ADCY1: variants seen among roughly 807,000 people sequenced by gnomAD.
The protein encoded by ADCY1 is adenylate cyclase 1.
A neutral mutation model predicts 105.4 loss-of-function variants in ADCY1; 28 were observed. The observed-to-expected ratio is 0.27, with a 90% CI of 0.20 to 0.36. ADCY1 has a LOEUF of 0.36. Among genes scored for constraint, ADCY1 ranks in the 10% least tolerant of loss-of-function variants. The probability of loss-of-function intolerance (pLI) is 1.00; values close to 1 mark genes in which losing one functional copy is unlikely to be tolerated. For synonymous variants in ADCY1, 655 were observed against 623.8 expected (o/e 1.05, Z -0.75); for missense variants, 977 against 1,434.2 (o/e 0.68, Z 5.15).
Position 45,592,799 on chromosome 7 carries a change from A to G in ADCY1, c.680A>G (p.Tyr227Cys), listed in dbSNP as rs762387143. ...TTGCTCTTCGTCGGTGTGAACATGT[A>G]TGGGGTCTTTGTGCGGATTCTGACT... The part of the protein sequence containing the change: ...NALLFVGVNM[Y>C]GVFVRILTER... Residue 227 changes from tyrosine (Y) to cysteine (C), a missense_variant, in exon 2 of 20, where the codon TAT becomes TGT. Transcript: ENST00000297323. The G allele has an allele frequency of 5.0e-6, 8 of 1,614,148 alleles. No homozygotes were observed. In the Admixed American group the frequency reaches 5.0e-5, roughly 10 times the overall value.
intron 7 of ADCY1, among the ~76,000 whole-genome samples, chr7:45,661,045 G>C (rs558184479): frequency 2.0e-5 from 3 of 150,306 alleles, no homozygotes; most frequent in Non-Finnish European, 3.0e-5. Flanking sequence ...GGGGAGGGTC[G>C]ATGCCTCAGG....
chr7:45,658,008 G>C, intron 6 of ADCY1, 123 bp downstream of exon 6: 1 of 1,153,464 alleles, frequency 8.7e-7, no homozygotes, highest in South Asian at 1.5e-5. Flanking sequence ...GCTCCTGGAG[G>C]AGCCTGCCTG....
At chr7:45,673,974 T>C (rs1317594922) in intron 8 of ADCY1, among the ~76,000 whole-genome samples, 1 of 11,754 alleles carries the variant, frequency 8.5e-5, no homozygotes, top group African/African-American at 1.2e-4. Context: ...CATATATATA[T>C]ATATATATAT....
chr7:45,641,726 A>G (rs1057135217), intron 4 of ADCY1, among the ~76,000 whole-genome samples: 1 of 149,782 alleles, frequency 6.7e-6, no homozygotes, highest in African/African-American at 2.5e-5. Context: ...GGAGATCGAG[A>G]CCATCCTGGC....
At chr7:45,584,740 A>G (rs1245810504) in intron 1 of ADCY1, among the ~76,000 whole-genome samples, 1 of 152,116 alleles carries the variant, frequency 6.6e-6, no homozygotes, top group Non-Finnish European at 1.5e-5. Flanking sequence ...TAGGCTTTCC[A>G]TGTGAAGCAT....
chr7:45,658,642 C>T (rs932849446), intron 6 of ADCY1, among the ~76,000 whole-genome samples: 3 of 152,212 alleles, frequency 2.0e-5, no homozygotes, highest in South Asian at 4.1e-4. Context: ...CCGTTGGCTC[C>T]CAAGGCCGGG....
At chr7:45,637,716 C>T (rs1217608984) in intron 4 of ADCY1, among the ~76,000 whole-genome samples, 2 of 152,166 alleles carry the variant, frequency 1.3e-5, no homozygotes, top group Non-Finnish European at 2.9e-5. Context: ...TAGATTGAGA[C>T]CCTATGTGTG....
chr7:45,718,654 T>A lies in ADCY1; in HGVS notation c.*4659T>A, dbSNP rs1292991440. On this transcript the variant is annotated 3_prime_UTR_variant, in exon 20 of 20. Coordinates refer to ENST00000297323, the MANE Select transcript of ADCY1 (RefSeq NM_021116.4). ...AAAATGGGCAGTAGGGGAAATGGAGTTGCTTCAACCTTTCTCAGTCCCGGC... is the reference window on the plus strand; with the variant it reads ...AAAATGGGCAGTAGGGGAAATGGAGATGCTTCAACCTTTCTCAGTCCCGGC... The A allele has an allele frequency of 6.6e-6, 1 of 151,694 alleles. No homozygotes were observed. Among genetic ancestry groups the A allele is most frequent in the African/African-American group, 2.4e-5 (1 of 41,192 alleles). 9.4% of individuals were successfully genotyped at this position (151,694 alleles called of 1,614,324 possible). A position where few individuals can be genotyped will look rare whatever the true frequency, so the allele number is the denominator to read the frequency against.
At chr7:45,625,394 C>T (rs1198678765) in intron 4 of ADCY1, among the ~76,000 whole-genome samples, 1 of 152,260 alleles carries the variant, frequency 6.6e-6, no homozygotes, top group East Asian at 1.9e-4. Context: ...GGTGGAGATG[C>T]CTGATGGGTC....
At chr7:45,657,943 G>A (rs1241816205) in intron 6 of ADCY1, 58 bp downstream of exon 6, 1 of 1,533,202 alleles carries the variant, frequency 6.5e-7, no homozygotes, top group Non-Finnish European at 8.8e-7. Flanking sequence ...TGCACCCCTG[G>A]GCTAAATCCT....
rs1181558302 is a variant in ADCY1, at chr7:45,717,846, C to T, written c.*3851C>T. The T allele has an allele frequency of 2.0e-5, 3 of 152,728 alleles. No individual in the cohort carries two copies. The highest frequency in any genetic ancestry group is 3.4e-3 in the Middle Eastern group (1 of 294). The allele number at this position is 152,728 out of a possible 1,614,324, so 9.5% of individuals were successfully genotyped here. A position where few individuals can be genotyped will look rare whatever the true frequency, so the allele number is the denominator to read the frequency against. ...CGTGTTTCTCAGACTTTAAAGCCAC[C>T]AGGGCTTCTGGAACACCTGTCATAG... On this transcript the variant is annotated 3_prime_UTR_variant, in exon 20 of 20. Coordinates refer to ENST00000297323, the MANE Select transcript of ADCY1 (RefSeq NM_021116.4).
rs548807776 is a variant in ADCY1 at position 45,708,818 on chromosome 7, G to C, written c.2932+354G>C. ...CTACATAGTTGAGGCCACATGGGCT[G>C]TCCAGAAGGAGGCCTTGACGGGAGC... On this transcript the variant is annotated intron_variant, in intron 18 of 19. Transcript: ENST00000297323. This position sits in a 1 kb window ranked among gnomAD's most constrained non-coding sequence, Gnocchi z 4.7. 4.6e-5 allele frequency among the ~76,000 whole-genome samples: 7 copies of C among 152,350 alleles called. No individual in the cohort carries two copies. In the East Asian group the frequency reaches 1.4e-3, roughly 29 times the overall value.
intron 14 of ADCY1, among the ~76,000 whole-genome samples, chr7:45,690,011 G>GACCC (rs1364520431): frequency 6.6e-6 from 1 of 152,244 alleles, no homozygotes; most frequent in South Asian, 2.1e-4. Context: ...AGGGCGATAG[G>GACCC]ACCCGATCCC....
At position 45,642,746 on chromosome 7, in the gene ADCY1, A is replaced by G. The variant is rs148335440; in HGVS notation, c.1021-5924A>G. Among the ~76,000 whole-genome samples the G allele has an allele frequency of 9.3e-4, 141 of 152,262 alleles. 1 individual carries two copies. The highest frequency in any genetic ancestry group is 2.9e-3 in the African/African-American group (121 of 41,574). On this transcript the variant is annotated intron_variant, in intron 4 of 19. Transcript: ENST00000297323. Reference sequence around the variant, plus strand: ...GGTTATCAGTGAGACCCGTCCATCAATGGTCTCCCATCCACATTGCACCCA... The same window carrying G: ...GGTTATCAGTGAGACCCGTCCATCAGTGGTCTCCCATCCACATTGCACCCA...
In ADCY1 at chr7:45,586,377, C is replaced by G. The variant is rs374014168; in HGVS notation, c.640-6382C>G. On this transcript the variant is annotated intron_variant, in intron 1 of 19. Transcript: ENST00000297323. ...CGCATTAGAAACCTGATGACGGGAG[C>G]TCAGGGAGAGCCTGTCAAATTATTT... is the stretch of plus-strand genomic sequence containing the variant. Among the ~76,000 whole-genome samples the G allele has an allele frequency of 7.9e-5, 12 of 152,272 alleles. No individual in the cohort carries two copies. In the East Asian group the frequency reaches 2.3e-3, roughly 29 times the overall value.
chr7:45,596,590 T>C (rs1793079909), intron 2 of ADCY1, among the ~76,000 whole-genome samples: 2 of 152,130 alleles, frequency 1.3e-5, no homozygotes, highest in African/African-American at 2.4e-5. Context: ...TGGGAGCCGA[T>C]GTGGGCATCA....
intron 8 of ADCY1, among the ~76,000 whole-genome samples, chr7:45,671,251 T>G (rs1430851921): frequency 6.6e-6 from 1 of 152,174 alleles, no homozygotes; most frequent in East Asian, 1.9e-4. Flanking sequence ...CCATCCAAGT[T>G]GTGTGTGTTA....
At chr7:45,693,163 C>G (rs918037707) in intron 14 of ADCY1, among the ~76,000 whole-genome samples, 1 of 152,158 alleles carries the variant, frequency 6.6e-6, no homozygotes, top group African/African-American at 2.4e-5. Context: ...AGAACCCTGT[C>G]TTGCATCCCA....
At chr7:45,583,166 C>T (rs750569558) in intron 1 of ADCY1, among the ~76,000 whole-genome samples, 5 of 152,116 alleles carry the variant, frequency 3.3e-5, no homozygotes, top group African/African-American at 1.2e-4. Context: ...CTGTACACAT[C>T]GTGTGTGGAT....
Sources: allele counts gnomAD v4.1 joint callset (sites outside exome capture counted in the v4.1 genomes callset), GRCh38; gene constraint gnomAD v4.1.1; non-coding constraint Gnocchi (gnomAD v3.1); transcripts MANE v1.5; gene names NCBI Gene and HGNC (gene_info 2026-07-23, HGNC 2026-07-21).